The following SLC22A9 variants were observed in gnomAD, a reference collection of about 807,000 sequenced individuals.
SLC22A9 encodes the protein solute carrier family 22 member 9.
In SLC22A9, 64 loss-of-function variants were observed where a neutral mutation model predicts 50.1. The ratio of observed to expected loss-of-function variants is 1.28; its 90% confidence interval spans 1.04 to 1.57. SLC22A9 has a LOEUF of 1.57. Ranked by LOEUF, SLC22A9 falls within the 40% of genes most tolerant of loss-of-function variation. SLC22A9 has a pLI of 0.00. For synonymous variants in SLC22A9, 261 were observed against 242.5 expected (o/e 1.08, Z -0.71); for missense variants, 757 against 676.1 (o/e 1.12, Z -1.33).
intron 5 of SLC22A9, among the ~76,000 whole-genome samples, chr11:63,377,732 T>C (rs2014488886): frequency 6.6e-6 from 1 of 151,728 alleles, no homozygotes; most frequent in East Asian, 1.9e-4. Context: ...AATTGAGATG[T>C]AAAAAAGATA....
intron 6 of SLC22A9, among the ~76,000 whole-genome samples, chr11:63,382,956 G>A (rs928700748): frequency 2.0e-5 from 3 of 152,094 alleles, no homozygotes; most frequent in Non-Finnish European, 4.4e-5. Flanking sequence ...GAACACCCTG[G>A]CCTATGACCG....
intron 6 of SLC22A9, among the ~76,000 whole-genome samples, chr11:63,396,158 G>C (rs1251414766): frequency 6.6e-6 from 1 of 152,158 alleles, no homozygotes; most frequent in Non-Finnish European, 1.5e-5. Context: ...AAGGGCTTTA[G>C]TTCTTTCTCT....
At chr11:63,409,244 C>A (rs2015094251) in intron 9 of SLC22A9, among the ~76,000 whole-genome samples, 1 of 152,146 alleles carries the variant, frequency 6.6e-6, no homozygotes, top group South Asian at 2.1e-4. Flanking sequence ...GGGAAACCCT[C>A]AAACAAGTGG....
At chr11:63,391,616 G>C (rs1174759959) in intron 6 of SLC22A9, among the ~76,000 whole-genome samples, 1 of 151,768 alleles carries the variant, frequency 6.6e-6, no homozygotes, top group Non-Finnish European at 1.5e-5. Context: ...TCTCTGATGA[G>C]TGTATCTACT....
At chr11:63,395,591 G>A (rs537142821) in intron 6 of SLC22A9, among the ~76,000 whole-genome samples, 278 of 152,264 alleles carry the variant, frequency 1.8e-3, no homozygotes, top group African/African-American at 6.2e-3. Context: ...TCTCGGCCAT[G>A]GATACCAGCA....
intron 6 of SLC22A9, among the ~76,000 whole-genome samples, chr11:63,384,649 A>G (rs761508549): frequency 2.0e-5 from 3 of 152,174 alleles, no homozygotes; most frequent in Non-Finnish European, 4.4e-5. Flanking sequence ...TCCTTTGCGT[A>G]TATACTCAGT....
chr11:63,375,504 G>T, intron 4 of SLC22A9, 141 bp from the exon 5 acceptor site: 1 of 1,172,698 alleles, frequency 8.5e-7, no homozygotes, highest in East Asian at 2.6e-5. Flanking sequence ...TATAGTCAAA[G>T]AGAATGTGAG....
intron 2 of SLC22A9, 94 bp downstream of exon 2, chr11:63,371,332 T>A (rs2014356883): frequency 9.8e-7 from 1 of 1,017,378 alleles, no homozygotes; most frequent in Non-Finnish European, 1.5e-6. Flanking sequence ...CAAATTACAT[T>A]CTCCTGAGGC....
At chr11:63,382,351 C>T in intron 6 of SLC22A9, 74 bp downstream of exon 6, 1 of 1,058,528 alleles carries the variant, frequency 9.4e-7, no homozygotes, top group Non-Finnish European at 1.4e-6. Flanking sequence ...TCAAGTAGTA[C>T]AGCATGTTTA....
At chr11:63,375,816 G>T in intron 5 of SLC22A9, 48 bp downstream of exon 5, 1 of 1,599,018 alleles carries the variant, frequency 6.3e-7, no homozygotes, top group Non-Finnish European at 8.5e-7. Context: ...GACATAACTT[G>T]TCATCAATAC....
In SLC22A9 at chr11:63,408,178, T is replaced by C; in HGVS notation, c.1355T>C (p.Leu452Pro). 1 of 1,613,744 alleles carries C rather than the reference T, an allele frequency of 6.2e-7. No individual in the cohort carries two copies. Among genetic ancestry groups the C allele is most frequent in the Non-Finnish European group, 8.5e-7 (1 of 1,179,762 alleles). ...GLGASALANT[L>P]AFAHGNEVIP... ...GGAGCGTCTGCTCTTGCCAATACCC[T>C]TGCTTTTGCCCATGGAAATGAAGTA... Residue 452 changes from leucine (L) to proline (P), a missense_variant, in exon 8 of 10, where the codon CTT becomes CCT. By Grantham distance (98) the Leu-to-Pro change is moderately conservative. Coordinates refer to ENST00000279178, the MANE Select transcript of SLC22A9 (RefSeq NM_080866.3).
At chr11:63,385,106 GTTTTTTTTTT>G (rs149124193) in intron 6 of SLC22A9, among the ~76,000 whole-genome samples, 1 of 76,558 alleles carries the variant, frequency 1.3e-5, no homozygotes, top group Non-Finnish European at 2.4e-5. Context: ...TGATGATACA[GTTTTTTTTTT>G]TTTTTTTTTT....
Position 63,405,772 on chromosome 11 carries a change from A to G in SLC22A9, c.1074-725A>G, listed in dbSNP as rs80155392. Among the ~76,000 whole-genome samples, 617 of 152,206 alleles carry G rather than the reference A, an allele frequency of 4.1e-3. 4 individuals carry two copies. Among genetic ancestry groups the G allele is most frequent in the African/African-American group, 0.014 (592 of 41,528 alleles). On this transcript the variant is annotated intron_variant, in intron 6 of 9. Transcript: ENST00000279178. ...AATTTTGTGGCCCTCAGGATAGTGAATTGTCTTGCAGTGGTTTTTGTTGTC... is the reference window on the plus strand; with the variant it reads ...AATTTTGTGGCCCTCAGGATAGTGAGTTGTCTTGCAGTGGTTTTTGTTGTC...
intron 5 of SLC22A9, among the ~76,000 whole-genome samples, chr11:63,378,566 G>A (rs1390838917): frequency 6.6e-6 from 1 of 151,946 alleles, no homozygotes; most frequent in Non-Finnish European, 1.5e-5. Context: ...AATAGGAAGA[G>A]AGGAAGTCAA....
At chr11:63,387,511 A>C (rs2119933887) in intron 6 of SLC22A9, among the ~76,000 whole-genome samples, 1 of 151,960 alleles carries the variant, frequency 6.6e-6, no homozygotes, top group South Asian at 2.1e-4. Flanking sequence ...GCATACACTG[A>C]TCTATGTTTT....
Position 63,409,980 on chromosome 11 carries a change from C to T in SLC22A9, c.*118C>T. 9.0e-7 allele frequency: 1 copy of T among 1,116,040 alleles called. No individual in the cohort carries two copies. The highest frequency in any genetic ancestry group is 1.3e-6 in the Non-Finnish European group (1 of 769,200). 69.1% of individuals were successfully genotyped at this position (1,116,040 alleles called of 1,614,324 possible). A position where few individuals can be genotyped will look rare whatever the true frequency, so the allele number is the denominator to read the frequency against. ...ACAAGGCTGGGTGCGGTGGCTCACG[C>T]CTGTAATCCCAGCACCTTGGGAGGC... On this transcript the variant is annotated 3_prime_UTR_variant, in exon 10 of 10. Coordinates refer to ENST00000279178, the MANE Select transcript of SLC22A9 (RefSeq NM_080866.3).
chr11:63,381,543 C>T (rs539246381), intron 5 of SLC22A9, among the ~76,000 whole-genome samples: 38 of 152,216 alleles, frequency 2.5e-4, no homozygotes, highest in Non-Finnish European at 4.0e-4. Context: ...CATTCTCCCA[C>T]ACTCACCAAT....
chr11:63,410,025 G>A lies in SLC22A9; in HGVS notation c.*163G>A, dbSNP rs949191720. On this transcript the variant is annotated 3_prime_UTR_variant, in exon 10 of 10. Coordinates refer to ENST00000279178, the MANE Select transcript of SLC22A9 (RefSeq NM_080866.3). ...GGAGGCTGAGGCGGGCAGATCATGAGGTCAGAAGATAAAGACCACCCTGGC... is the reference window on the plus strand; with the variant it reads ...GGAGGCTGAGGCGGGCAGATCATGAAGTCAGAAGATAAAGACCACCCTGGC... 2.4e-5 allele frequency: 15 copies of A among 634,040 alleles called. 1 individual carries two copies. Among genetic ancestry groups the A allele is most frequent in the Middle Eastern group, 3.5e-4 (1 of 2,852 alleles). The allele number at this position is 634,040 out of a possible 1,614,324, so 39.3% of individuals were successfully genotyped here. A position where few individuals can be genotyped will look rare whatever the true frequency, so the allele number is the denominator to read the frequency against.
intron 6 of SLC22A9, among the ~76,000 whole-genome samples, chr11:63,390,119 G>A (rs755838857): frequency 6.6e-6 from 1 of 152,144 alleles, no homozygotes; most frequent in African/African-American, 2.4e-5. Flanking sequence ...CTCCCATTCT[G>A]TAGATTGACT....
Sources: gnomAD v4.1 joint callset for allele counts (sites outside exome capture counted in the v4.1 genomes callset) on GRCh38, gnomAD v4.1.1 for gene constraint, MANE v1.5 for transcripts, NCBI Gene and HGNC (gene_info 2026-07-23, HGNC 2026-07-21) for gene names.